The following MDGA2 variants were observed in gnomAD, a reference collection of about 807,000 sequenced individuals.
MDGA2 encodes MAM domain-containing glycosylphosphatidylinositol anchor protein 2.
Under a neutral mutation model 117.8 loss-of-function variants are expected in MDGA2, and 40 were observed. The ratio of observed to expected loss-of-function variants is 0.34; its 90% CI spans 0.26 to 0.44. The LOEUF is 0.44. Ranked by LOEUF, MDGA2 falls within the 20% of genes least tolerant of loss-of-function variation. The pLI is 1.00. For synonymous variants in MDGA2, 452 were observed against 439.0 expected (o/e 1.03, Z -0.37); for missense variants, 1,123 against 1,250.6 (o/e 0.90, Z 1.54).
chr14:47,383,923 C>T (rs1473040315), intron 1 of MDGA2, among the ~76,000 whole-genome samples: 1 of 151,794 alleles, frequency 6.6e-6, no homozygotes, highest in Non-Finnish European at 1.5e-5. Context: ...CATCTATGGA[C>T]TGCATGGTGC....
At chr14:47,069,215 A>G (rs1165729140) in intron 6 of MDGA2, among the ~76,000 whole-genome samples, 1 of 152,198 alleles carries the variant, frequency 6.6e-6, no homozygotes, top group East Asian at 1.9e-4. Context: ...GGGCTCAAAG[A>G]TTAGTAATGA....
rs1186904280 is a variant in MDGA2, at chr14:47,531,051, C to T, written c.280+143466G>A. Among the ~76,000 whole-genome samples the T allele has an allele frequency of 2.6e-5, 4 of 152,070 alleles. No homozygotes were observed. The East Asian group carries it at 7.7e-4, about 29-fold the overall frequency. On this transcript the variant is annotated intron_variant, in intron 1 of 16. Coordinates refer to ENST00000399232, the MANE Select transcript of MDGA2 (RefSeq NM_001113498.3). ...ACAAGGTCAGGAGATTGAGACCATC[C>T]TGGCTAACACGATGAAACCCCGTCT... is the stretch of plus-strand genomic sequence containing the variant.
intron 6 of MDGA2, among the ~76,000 whole-genome samples, chr14:47,069,449 T>C (rs939376558): frequency 6.6e-6 from 1 of 152,210 alleles, no homozygotes; most frequent in Non-Finnish European, 1.5e-5. Context: ...ATTTGAGTTC[T>C]ATCATTTGAA....
intron 1 of MDGA2, among the ~76,000 whole-genome samples, chr14:47,399,501 T>C (rs1206101713): frequency 6.6e-6 from 1 of 152,176 alleles, no homozygotes; most frequent in Non-Finnish European, 1.5e-5. Context: ...AGAAGATTTA[T>C]TTCAATCTCT....
intron 15 of MDGA2, among the ~76,000 whole-genome samples, chr14:46,854,726 G>T (rs983237223): frequency 6.6e-6 from 1 of 151,360 alleles, no homozygotes; most frequent in Non-Finnish European, 1.5e-5. Context: ...TTTTTTCAGG[G>T]AGTAAAATAT....
chr14:47,413,262 G>A (rs1892409407), intron 1 of MDGA2, among the ~76,000 whole-genome samples: 1 of 152,112 alleles, frequency 6.6e-6, no homozygotes, highest in Non-Finnish European at 1.5e-5. Flanking sequence ...TCGTATATAG[G>A]CTGGAACCTG....
intron 1 of MDGA2, among the ~76,000 whole-genome samples, chr14:47,499,257 T>A (rs1438572586): frequency 6.6e-6 from 1 of 152,100 alleles, no homozygotes; most frequent in African/African-American, 2.4e-5. Context: ...ATATCTTAAA[T>A]CCCGAGCAAA....
intron 1 of MDGA2, among the ~76,000 whole-genome samples, chr14:47,428,588 G>A (rs1199704097): frequency 6.6e-6 from 1 of 151,826 alleles, no homozygotes; most frequent in Non-Finnish European, 1.5e-5. Context: ...TATATGTTTT[G>A]TATTCTACTA....
intron 1 of MDGA2, among the ~76,000 whole-genome samples, chr14:47,511,066 G>A (rs1894629242): frequency 6.6e-6 from 1 of 152,002 alleles, no homozygotes; most frequent in Admixed American, 6.6e-5. Flanking sequence ...TTTGTGTTGT[G>A]TCTACCAACC....
rs545097301 is a variant in MDGA2, at chr14:47,172,192, C to G, written c.596-27918G>C. Among the ~76,000 whole-genome samples the G allele has an allele frequency of 3.3e-5, 5 of 152,290 alleles. No individual in the cohort carries two copies. In the South Asian group the frequency reaches 8.3e-4, roughly 25 times the overall value. On this transcript the variant is annotated intron_variant, in intron 3 of 16. Coordinates refer to ENST00000399232, the MANE Select transcript of MDGA2 (RefSeq NM_001113498.3). ...CCACAGCTCAAGGAGGCCTGCCTGC[C>G]TCTGTAGGCCCCGCCTCTGGGGGCA...
chr14:47,490,280 T>G (rs1406107616), intron 1 of MDGA2, among the ~76,000 whole-genome samples: 1 of 152,142 alleles, frequency 6.6e-6, no homozygotes. Flanking sequence ...AAAGTTGAAC[T>G]CTACTGACTA....
At chr14:47,211,154 A>G (rs1376717391) in intron 3 of MDGA2, among the ~76,000 whole-genome samples, 1 of 151,978 alleles carries the variant, frequency 6.6e-6, no homozygotes, top group South Asian at 2.1e-4. Flanking sequence ...CCCCAAACCC[A>G]CCATCGTAAC....
chr14:47,487,058 T>C (rs1452146012), intron 1 of MDGA2, among the ~76,000 whole-genome samples: 2 of 152,218 alleles, frequency 1.3e-5, no homozygotes, highest in Non-Finnish European at 2.9e-5. Context: ...TCTCTTCCCT[T>C]AGCTATGAAA....
intron 7 of MDGA2, among the ~76,000 whole-genome samples, chr14:47,057,153 A>G (rs536691639): frequency 2.0e-5 from 3 of 152,116 alleles, no homozygotes; most frequent in African/African-American, 7.2e-5. Flanking sequence ...CATCCTCTAT[A>G]CTCTGCCAAA....
chr14:47,471,700 A>T (rs927525171), intron 1 of MDGA2, among the ~76,000 whole-genome samples: 4 of 152,096 alleles, frequency 2.6e-5, no homozygotes, highest in Admixed American at 6.6e-5. Flanking sequence ...CAATCCTCTT[A>T]GTGGCATATT....
chr14:47,608,004 C>A (rs1896772492), intron 1 of MDGA2, among the ~76,000 whole-genome samples: 2 of 151,718 alleles, frequency 1.3e-5, no homozygotes, highest in African/African-American at 4.8e-5. Context: ...ATAAAAAATA[C>A]AAAGCTCTAA....
At chr14:47,009,390 C>G (rs1477179825) in intron 8 of MDGA2, among the ~76,000 whole-genome samples, 1 of 152,004 alleles carries the variant, frequency 6.6e-6, no homozygotes, top group Non-Finnish European at 1.5e-5. Flanking sequence ...TTTGACAACT[C>G]TTTGCAAATC....
chr14:47,405,353 C>T (rs1213227421), intron 1 of MDGA2, among the ~76,000 whole-genome samples: 1 of 152,074 alleles, frequency 6.6e-6, no homozygotes, highest in African/African-American at 2.4e-5. Context: ...TAGAGTGTAC[C>T]ATTCTGTCAT....
intron 6 of MDGA2, among the ~76,000 whole-genome samples, chr14:47,069,685 C>T (rs563487665): frequency 5.5e-4 from 84 of 152,230 alleles, no homozygotes; most frequent in Non-Finnish European, 6.5e-4. Flanking sequence ...CCTTTTGCTG[C>T]CCATGTTAGA....
Sources: gnomAD v4.1 joint callset for allele counts (sites outside exome capture counted in the v4.1 genomes callset) on GRCh38, gnomAD v4.1.1 for gene constraint, MANE v1.5 for transcripts, NCBI Gene and HGNC (gene_info 2026-07-23, HGNC 2026-07-21) for gene names.